The following C4orf51 variants were observed in gnomAD, a reference collection of about 807,000 sequenced individuals.
C4orf51 encodes uncharacterized protein C4orf51.
Under a neutral mutation model 25.2 loss-of-function variants are expected in C4orf51, and 25 were observed. That is an observed-to-expected ratio of 0.99 (90% CI 0.72 to 1.39). The LOEUF (loss-of-function observed/expected upper bound fraction) is 1.39, where lower values mean the gene tolerates loss of function less well. Ranked by LOEUF, C4orf51 falls within the 40% of genes most tolerant of loss-of-function variation. The pLI, the probability that C4orf51 is intolerant of heterozygous loss-of-function variation, is 0.00. For synonymous variants in C4orf51, 100 were observed against 84.5 expected, an observed-to-expected ratio of 1.18 and a Z score of -1.01; for missense variants, 252 against 239.6, an observed-to-expected ratio of 1.05 and a Z score of -0.34.
At chr4:145,711,767 A>C (rs1731147268) in intron 2 of C4orf51, among the ~76,000 whole-genome samples, 2 of 151,988 alleles carry the variant, frequency 1.3e-5, no homozygotes, top group Admixed American at 6.6e-5. Context: ...TTTTTAATAA[A>C]TTTTATTGTG....
At chr4:145,725,302 T>A (rs1731995351) in intron 2 of C4orf51, among the ~76,000 whole-genome samples, 1 of 152,324 alleles carries the variant, frequency 6.6e-6, no homozygotes, top group South Asian at 2.1e-4. Flanking sequence ...TTGGAGAAGA[T>A]GTGGAGAAAT....
intron 1 of C4orf51, among the ~76,000 whole-genome samples, chr4:145,770,511 T>C (rs909887823): frequency 6.6e-5 from 10 of 151,634 alleles, no homozygotes; most frequent in Non-Finnish European, 1.2e-4. Context: ...AATAGGTTTT[T>C]ATATGTAAAT....
At chr4:145,764,156 G>C (rs1734931414) in intron 1 of C4orf51, among the ~76,000 whole-genome samples, 2 of 152,238 alleles carry the variant, frequency 1.3e-5, no homozygotes, top group South Asian at 4.1e-4. Context: ...TCGTTTAGCT[G>C]AGAATTAGTA....
At chr4:145,716,667 C>CT (rs1731432288) in intron 2 of C4orf51, among the ~76,000 whole-genome samples, 1 of 152,136 alleles carries the variant, frequency 6.6e-6, no homozygotes, top group South Asian at 2.1e-4. Flanking sequence ...TGGGATGTGT[C>CT]TATGTGTGTG....
chr4:145,780,637 T>C, the C4orf51 span, among the ~76,000 whole-genome samples: 1 of 152,178 alleles, frequency 6.6e-6, no homozygotes, highest in Non-Finnish European at 1.5e-5. Flanking sequence ...ATACAAACAT[T>C]CCTCCTATGA....
At position 145,761,331 on chromosome 4, in the gene C4orf51, G is replaced by A. The variant is rs944271807; in HGVS notation, n.167-9657G>A. Reference sequence around the variant, plus strand: ...TGAGATTGTCCTTGCGCTTGCAGCTGTAGCTGCACTGGTCACAGTGGAAGG... The same window carrying A: ...TGAGATTGTCCTTGCGCTTGCAGCTATAGCTGCACTGGTCACAGTGGAAGG... On this transcript the variant is annotated intron_variant and non_coding_transcript_variant, in intron 1 of 1. Coordinates refer to the C4orf51 transcript ENST00000510096. This position sits in a 1 kb window ranked among gnomAD's most constrained non-coding sequence, Gnocchi z 6.8. 40 of 1,289,852 alleles carry A rather than the reference G, an allele frequency of 3.1e-5. No individual in the cohort carries two copies. In the African/African-American group the frequency reaches 5.8e-4, roughly 19 times the overall value. The allele number at this position is 1,289,852 out of a possible 1,614,324, so 79.9% of individuals were successfully genotyped here.
At chr4:145,740,295 A>G (rs192468880) in intron 1 of C4orf51, among the ~76,000 whole-genome samples, 1 of 137,884 alleles carries the variant, frequency 7.3e-6, no homozygotes, top group African/African-American at 2.7e-5. Context: ...AAAAAGTGAC[A>G]ATGTGAGGTT....
the C4orf51 span, among the ~76,000 whole-genome samples, chr4:145,786,651 C>T: frequency 1.3e-5 from 2 of 152,146 alleles, no homozygotes; most frequent in Admixed American, 1.3e-4. Flanking sequence ...AGACTCCAGC[C>T]CTACTGGCTC....
chr4:145,765,598 C>T lies in C4orf51; in HGVS notation n.167-5390C>T. On this transcript the variant is annotated intron_variant and non_coding_transcript_variant, in intron 1 of 1. Coordinates refer to the C4orf51 transcript ENST00000510096. This position sits in a 1 kb window ranked among gnomAD's most constrained non-coding sequence, Gnocchi z 4.7. The stretch of plus-strand genomic sequence containing the variant: ...AGTGAGGGCTGGCTCCCAGGCATGA[C>T]AGAGATGACCAGCAGATTGTTCCCG... 1 of 1,614,070 alleles carries T rather than the reference C, an allele frequency of 6.2e-7. No individual in the cohort carries two copies. The highest frequency in any genetic ancestry group is 8.5e-7 in the Non-Finnish European group (1 of 1,180,000).
the C4orf51 span, among the ~76,000 whole-genome samples, chr4:145,785,016 T>C: frequency 0.012 from 1,862 of 152,352 alleles, 36 homozygotes; most frequent in African/African-American, 0.042. Context: ...TTTCCACCTA[T>C]GATGTTTGCC....
At chr4:145,724,339 G>GT (rs1731921734) in intron 2 of C4orf51, among the ~76,000 whole-genome samples, 1 of 151,908 alleles carries the variant, frequency 6.6e-6, no homozygotes, top group African/African-American at 2.4e-5. Flanking sequence ...GAAAAAGTGG[G>GT]TTTTTCTTGA....
At chr4:145,690,946 C>T (rs962874896) in intron 1 of C4orf51, among the ~76,000 whole-genome samples, 7 of 151,346 alleles carry the variant, frequency 4.6e-5, no homozygotes, top group African/African-American at 1.5e-4. Context: ...CCCGCTCCCA[C>T]CCCCCACAAA....
intron 1 of C4orf51, among the ~76,000 whole-genome samples, chr4:145,683,994 G>A (rs568425481): frequency 2.6e-5 from 4 of 152,062 alleles, no homozygotes; most frequent in Non-Finnish European, 5.9e-5. Context: ...TATTTGCAAA[G>A]GACTTTTATC....
chr4:145,791,153 C>A, the C4orf51 span, among the ~76,000 whole-genome samples: 2 of 152,214 alleles, frequency 1.3e-5, no homozygotes, highest in African/African-American at 2.4e-5. Flanking sequence ...ATGTTTTTCT[C>A]ACAGTTCTGG....
At chr4:145,691,533 G>GAATC (rs1013771558) in intron 1 of C4orf51, among the ~76,000 whole-genome samples, 14 of 152,224 alleles carry the variant, frequency 9.2e-5, no homozygotes, top group Admixed American at 9.2e-4. Context: ...CAAAGACATG[G>GAATC]AATCAACTTA....
intron 3 of C4orf51, among the ~76,000 whole-genome samples, chr4:145,727,920 T>TATATATATAA: frequency 9.7e-6 from 1 of 102,896 alleles, no homozygotes; most frequent in Non-Finnish European, 1.8e-5. Flanking sequence ...TATATATATA[T>TATATATATAA]ATAAAATATA....
intron 2 of C4orf51, among the ~76,000 whole-genome samples, chr4:145,703,200 A>G: frequency 6.6e-6 from 1 of 151,414 alleles, no homozygotes. Flanking sequence ...ACCACAAAAC[A>G]AGTGTAAATG....
chr4:145,684,451 C>T (rs1729020532), intron 1 of C4orf51, among the ~76,000 whole-genome samples: 1 of 152,104 alleles, frequency 6.6e-6, no homozygotes, highest in Non-Finnish European at 1.5e-5. Flanking sequence ...CACTGCACTC[C>T]AGCCTGGGTG....
At chr4:145,692,460 C>A (rs1729648000) in intron 1 of C4orf51, among the ~76,000 whole-genome samples, 1 of 152,180 alleles carries the variant, frequency 6.6e-6, no homozygotes, top group South Asian at 2.1e-4. Context: ...CTGTATCAGA[C>A]CATCTGCCCC....
Sources: allele counts gnomAD v4.1 joint callset (sites outside exome capture counted in the v4.1 genomes callset), GRCh38; gene constraint gnomAD v4.1.1; non-coding constraint Gnocchi (gnomAD v3.1); transcripts MANE v1.5; gene names NCBI Gene and HGNC (gene_info 2026-07-23, HGNC 2026-07-21).